The following QKI variants were observed in gnomAD, a reference collection of about 807,000 sequenced individuals.
The protein encoded by QKI is QKI, KH domain containing RNA binding.
In QKI, 10 loss-of-function variants were observed where a neutral mutation model predicts 39.0. The ratio of observed to expected loss-of-function variants is 0.26; its 90% CI spans 0.16 to 0.43. The LOEUF is 0.43. Among genes scored for constraint, QKI ranks in the 20% least tolerant of loss-of-function variants. The pLI is 1.00. For synonymous variants in QKI, 204 were observed against 155.4 expected (o/e 1.31, Z -2.33); for missense variants, 218 against 428.0 (o/e 0.51, Z 4.33).
rs191548406 is a variant in QKI, at chr6:163,419,414, T to A, written c.142+4079T>A. On this transcript the variant is annotated intron_variant, in intron 1 of 7. Transcript: ENST00000361752. ...CAGATTTCTTACAAAAAGGTTTTCT[T>A]TTTGTCTGAAGAAGCAATTACTGTT... is the stretch of plus-strand genomic sequence containing the variant. 1.8e-3 allele frequency among the ~76,000 whole-genome samples: 274 copies of A among 152,248 alleles called. 5 individuals are homozygous for A. The highest frequency in any genetic ancestry group is 3.7e-4 in the Non-Finnish European group (25 of 67,968).
intron 3 of QKI, among the ~76,000 whole-genome samples, chr6:163,497,316 T>G (rs1488702631): frequency 1.3e-5 from 2 of 152,178 alleles, no homozygotes; most frequent in African/African-American, 2.4e-5. Flanking sequence ...TAGGGGAAGA[T>G]TGGAAATTTC....
intron 1 of QKI, among the ~76,000 whole-genome samples, chr6:163,425,714 AG>A (rs1263040659): frequency 6.6e-6 from 1 of 152,052 alleles, no homozygotes; most frequent in Non-Finnish European, 1.5e-5. Context: ...CCTTACCTAC[AG>A]GTTAGTGTAT....
rs143385652 is a variant in QKI, at chr6:163,426,152, A to G, written c.142+10817A>G. On this transcript the variant is annotated intron_variant, in intron 1 of 7. Coordinates refer to ENST00000361752, the MANE Select transcript of QKI (RefSeq NM_006775.3). ...AGATTTCTGTAGTGGATCCCCTGAT[A>G]TTCTTTATAGCTGGATTGTTCAAAC... Among the ~76,000 whole-genome samples the G allele has an allele frequency of 4.2e-3, 636 of 152,156 alleles. 1 individual carries two copies. Among genetic ancestry groups the G allele is most frequent in the Middle Eastern group, 0.01 (3 of 294 alleles).
intron 1 of QKI, among the ~76,000 whole-genome samples, chr6:163,450,739 A>G (rs1212646746): frequency 4.1e-5 from 6 of 147,554 alleles, no homozygotes; most frequent in East Asian, 2.0e-4. Context: ...GTGAAATTCG[A>G]AAAAAAAAAA....
chr6:163,529,283 TG>T (rs1386424277), intron 3 of QKI, among the ~76,000 whole-genome samples: 1 of 152,224 alleles, frequency 6.6e-6, no homozygotes, highest in African/African-American at 2.4e-5. Flanking sequence ...AGCAGAGCAC[TG>T]TGGGAAAGCT....
intron 3 of QKI, among the ~76,000 whole-genome samples, chr6:163,514,093 C>G (rs1331292624): frequency 6.6e-6 from 1 of 152,142 alleles, no homozygotes; most frequent in Non-Finnish European, 1.5e-5. Flanking sequence ...AACCCTTGCA[C>G]TCTGGCACAC....
intron 2 of QKI, among the ~76,000 whole-genome samples, chr6:163,464,999 T>G (rs1354484214): frequency 6.6e-6 from 1 of 151,984 alleles, no homozygotes; most frequent in Non-Finnish European, 1.5e-5. Flanking sequence ...TCAAGTGAGA[T>G]TTTTCCTCTG....
chr6:163,555,509 C>CAAAAAAAAAAAAAAAAA (rs55958646), intron 4 of QKI, among the ~76,000 whole-genome samples: 2 of 79,392 alleles, frequency 2.5e-5, no homozygotes, highest in Non-Finnish European at 2.3e-5. Flanking sequence ...AACTCCAGCT[C>CAAAAAAAAAAAAAAAAA]AAAAAAAAAA....
intron 7 of QKI, chr6:163,569,140 G>A (rs944001541): frequency 9.6e-6 from 9 of 939,124 alleles, no homozygotes; most frequent in African/African-American, 5.4e-5. Context: ...ACTACATCAT[G>A]TTAAATATTT....
intron 4 of QKI, among the ~76,000 whole-genome samples, chr6:163,552,199 G>A (rs1025069359): frequency 2.2e-5 from 3 of 133,478 alleles, no homozygotes; most frequent in Non-Finnish European, 4.7e-5. Context: ...CATAAAGTTC[G>A]TTCGTTCTTT....
At chr6:163,438,082 C>T (rs1789452646) in intron 1 of QKI, among the ~76,000 whole-genome samples, 1 of 152,090 alleles carries the variant, frequency 6.6e-6, no homozygotes, top group Non-Finnish European at 1.5e-5. Context: ...CTGTTACATT[C>T]TACCTTCCTT....
chr6:163,416,439 C>G (rs1464466394), intron 1 of QKI: 2 of 158,354 alleles, frequency 1.3e-5, no homozygotes, highest in Non-Finnish European at 2.8e-5. Context: ...TTTTTTCCTG[C>G]TTAGAGGCAC....
chr6:163,522,061 A>G (rs1252328229), intron 3 of QKI, among the ~76,000 whole-genome samples: 2 of 152,222 alleles, frequency 1.3e-5, no homozygotes, highest in Non-Finnish European at 2.9e-5. Context: ...AGTGTTAAGT[A>G]TTATGAACTA....
chr6:163,565,038 A>G (rs1016035978), intron 6 of QKI: 8 of 1,126,316 alleles, frequency 7.1e-6, no homozygotes, highest in Middle Eastern at 3.9e-4. Flanking sequence ...GTGTGCATGC[A>G]CTCAGGTGCC....
At chr6:163,555,895 A>G (rs1460022753) in intron 4 of QKI, among the ~76,000 whole-genome samples, 1 of 152,148 alleles carries the variant, frequency 6.6e-6, no homozygotes, top group African/African-American at 2.4e-5. Flanking sequence ...ACTTTCTAAC[A>G]TGTGGTCTGA....
chr6:163,566,252 T>G (rs929017637), intron 6 of QKI: 1 of 1,256,534 alleles, frequency 8.0e-7, no homozygotes, highest in South Asian at 2.3e-5. Flanking sequence ...TTCATACTTA[T>G]TGACTCAGAG....
chr6:163,479,403 G>A (rs1169729300), intron 3 of QKI, among the ~76,000 whole-genome samples: 1 of 152,070 alleles, frequency 6.6e-6, no homozygotes, highest in Non-Finnish European at 1.5e-5. Flanking sequence ...ACGGAGTCTC[G>A]CTATGTCACC....
At chr6:163,470,228 T>C (rs909868651) in intron 2 of QKI, among the ~76,000 whole-genome samples, 1 of 152,116 alleles carries the variant, frequency 6.6e-6, no homozygotes, top group African/African-American at 2.4e-5. Flanking sequence ...TTGGAGTCTA[T>C]AATTTGTCTA....
At chr6:163,495,625 A>G (rs1430753106) in intron 3 of QKI, among the ~76,000 whole-genome samples, 1 of 152,138 alleles carries the variant, frequency 6.6e-6, no homozygotes, top group African/African-American at 2.4e-5. Context: ...CCAATTTTTC[A>G]TTAGTTGTAA....
Sources: allele counts gnomAD v4.1 joint callset (sites outside exome capture counted in the v4.1 genomes callset), GRCh38; gene constraint gnomAD v4.1.1; transcripts MANE v1.5; gene names NCBI Gene and HGNC (gene_info 2026-07-23, HGNC 2026-07-21).